The following PTPRK variants were observed in gnomAD, a reference collection of about 807,000 sequenced individuals.
The protein encoded by PTPRK is protein tyrosine phosphatase receptor type K.
Under a neutral mutation model 178.0 loss-of-function variants are expected in PTPRK, and 75 were observed. The ratio of observed to expected loss-of-function variants is 0.42; its 90% CI spans 0.35 to 0.51. PTPRK has a LOEUF of 0.51. PTPRK is among the 20% of genes least tolerant of loss of function. The probability of loss-of-function intolerance (pLI) is 0.02; values close to 1 mark genes in which losing one functional copy is unlikely to be tolerated. For synonymous variants in PTPRK, 637 were observed against 620.6 expected, an observed-to-expected ratio of 1.03 and a Z score of -0.39; for missense variants, 1,441 against 1,797.8, an observed-to-expected ratio of 0.80 and a Z score of 3.59.
chr6:128,052,040 T>C (rs1779100590), intron 13 of PTPRK, among the ~76,000 whole-genome samples: 1 of 152,164 alleles, frequency 6.6e-6, no homozygotes, highest in African/African-American at 2.4e-5. Context: ...TACTCCACCA[T>C]CATATCCTCC....
intron 2 of PTPRK, among the ~76,000 whole-genome samples, chr6:128,350,969 C>A (rs1173178164): frequency 1.3e-5 from 2 of 152,140 alleles, no homozygotes; most frequent in South Asian, 4.1e-4. Flanking sequence ...TTTCTAAGCA[C>A]CTCTACAAAC....
At chr6:128,186,351 C>T (rs1802764068) in intron 6 of PTPRK, among the ~76,000 whole-genome samples, 1 of 151,978 alleles carries the variant, frequency 6.6e-6, no homozygotes, top group Non-Finnish European at 1.5e-5. Context: ...AACTTTTAAA[C>T]TAATTATTTG....
chr6:128,470,195 G>A (rs1206544571), intron 1 of PTPRK, among the ~76,000 whole-genome samples: 1 of 151,622 alleles, frequency 6.6e-6, no homozygotes, highest in African/African-American at 2.4e-5. Context: ...GTAGTTTGGG[G>A]AACTCATGGT....
chr6:128,227,418 A>G (rs2128277210), intron 5 of PTPRK, among the ~76,000 whole-genome samples: 1 of 152,290 alleles, frequency 6.6e-6, no homozygotes, highest in Middle Eastern at 3.4e-3. Context: ...GACTAATAAG[A>G]GAGTATGGAA....
Position 128,355,917 on chromosome 6 carries a change from A to G in PTPRK, c.224-33607T>C, listed in dbSNP as rs566017032. ...ACAATTTAAGAATGCTGCTGAGTGC[A>G]GTTTTCCTTTAGTCATTTTCAACCC... On this transcript the variant is annotated intron_variant, in intron 2 of 29. Transcript: ENST00000368226. 3.9e-3 allele frequency among the ~76,000 whole-genome samples: 601 copies of G among 152,366 alleles called. 5 individuals are homozygous for G. Among genetic ancestry groups the G allele is most frequent in the African/African-American group, 0.013 (561 of 41,584 alleles).
chr6:128,089,375 T>G (rs372837537), intron 8 of PTPRK, among the ~76,000 whole-genome samples: 1 of 152,238 alleles, frequency 6.6e-6, no homozygotes, highest in Non-Finnish European at 1.5e-5. Context: ...GCAATTGATA[T>G]AGTGCCATGG....
chr6:128,470,557 G>A (rs886835464), intron 1 of PTPRK, among the ~76,000 whole-genome samples: 1 of 151,890 alleles, frequency 6.6e-6, no homozygotes, highest in African/African-American at 2.4e-5. Flanking sequence ...CTAAGTTCAA[G>A]TAAGAGAACT....
intron 6 of PTPRK, among the ~76,000 whole-genome samples, chr6:128,213,761 A>C (rs1394067855): frequency 2.6e-5 from 4 of 152,094 alleles, no homozygotes; most frequent in Non-Finnish European, 4.4e-5. Flanking sequence ...ACACCAAAAA[A>C]ATTCAGATTT....
chr6:128,273,868 C>G (rs915331188), intron 3 of PTPRK, among the ~76,000 whole-genome samples: 1 of 150,216 alleles, frequency 6.7e-6, no homozygotes, highest in Admixed American at 6.6e-5. Context: ...CTATCAAAAT[C>G]AAACAGTTAG....
chr6:128,073,967 G>A (rs1783303302), intron 11 of PTPRK, among the ~76,000 whole-genome samples: 1 of 151,966 alleles, frequency 6.6e-6, no homozygotes, highest in Non-Finnish European at 1.5e-5. Flanking sequence ...TTTATGTAAT[G>A]AAACAGACTA....
intron 11 of PTPRK, among the ~76,000 whole-genome samples, chr6:128,075,457 G>A (rs765500277): frequency 3.3e-5 from 5 of 151,876 alleles, no homozygotes; most frequent in African/African-American, 7.3e-5. Context: ...TCTGCAATTC[G>A]TAAATGCATC....
chr6:128,449,831 C>T (rs1184237278), intron 1 of PTPRK, among the ~76,000 whole-genome samples: 4 of 151,550 alleles, frequency 2.6e-5, no homozygotes, highest in South Asian at 4.2e-4. Flanking sequence ...TGCGGTGGCT[C>T]ATGCCTGTAA....
chr6:128,493,263 A>C (rs73589596), intron 1 of PTPRK, among the ~76,000 whole-genome samples: 2,975 of 152,262 alleles, frequency 0.02, 93 homozygotes, highest in African/African-American at 0.066. Flanking sequence ...AGCCCAGTCA[A>C]TGTACCCCCC....
intron 7 of PTPRK, among the ~76,000 whole-genome samples, chr6:128,120,247 C>T (rs1477202751): frequency 1.3e-5 from 2 of 151,836 alleles, no homozygotes; most frequent in Non-Finnish European, 2.9e-5. Context: ...TATTATATTA[C>T]TACTAATAAT....
Position 128,233,696 on chromosome 6 carries a change from G to A in PTPRK, c.693+6339C>T, listed in dbSNP as rs374196239. Reference sequence around the variant, plus strand: ...GACTCTCCTGTTTTGGCAGGCCCACGGAGGAGGCACAGTGCCAGCACCTGC... The same window carrying A: ...GACTCTCCTGTTTTGGCAGGCCCACAGAGGAGGCACAGTGCCAGCACCTGC... On this transcript the variant is annotated intron_variant, in intron 5 of 29. Transcript: ENST00000368226. 5.9e-5 allele frequency among the ~76,000 whole-genome samples: 9 copies of A among 152,296 alleles called. No individual in the cohort carries two copies. In the South Asian group the frequency reaches 1.2e-3, roughly 21 times the overall value.
At chr6:127,978,648 T>C (rs1357060541) in intron 25 of PTPRK, among the ~76,000 whole-genome samples, 1 of 152,196 alleles carries the variant, frequency 6.6e-6, no homozygotes, top group Non-Finnish European at 1.5e-5. Flanking sequence ...GTCTGCTCCA[T>C]GCAAAGGTAA....
Position 128,275,451 on chromosome 6 carries a change from A to C in PTPRK, c.496-32849T>G, listed in dbSNP as rs1220457013. Among the ~76,000 whole-genome samples the C allele has an allele frequency of 1.3e-5, 2 of 152,032 alleles. 1 individual carries two copies. Among genetic ancestry groups the C allele is most frequent in the Non-Finnish European group, 2.9e-5 (2 of 67,912 alleles). On this transcript the variant is annotated intron_variant, in intron 3 of 29. Coordinates refer to ENST00000368226, the MANE Select transcript of PTPRK (RefSeq NM_002844.4). ...ATGTTACATGGGAAGAGTAAAAGAA[A>C]GAGTTCAAGGGCCTGTGGCAAGATT...
chr6:128,052,135 TGGAAAAACACACAAAGTTACAGA>T (rs1779117434), intron 13 of PTPRK, among the ~76,000 whole-genome samples: 1 of 152,218 alleles, frequency 6.6e-6, no homozygotes, highest in Admixed American at 6.5e-5. Context: ...ACTTATATGT[TGGAAAAACACACAAAGTTACAGA>T]AAATTTGCAA....
intron 2 of PTPRK, among the ~76,000 whole-genome samples, chr6:128,349,966 A>C (rs1832911819): frequency 6.6e-6 from 1 of 152,078 alleles, no homozygotes; most frequent in Non-Finnish European, 1.5e-5. Context: ...ACAGGTATGA[A>C]CCATTACTGT....
Sources: gnomAD v4.1 joint callset for allele counts (sites outside exome capture counted in the v4.1 genomes callset) on GRCh38, gnomAD v4.1.1 for gene constraint, MANE v1.5 for transcripts, NCBI Gene and HGNC (gene_info 2026-07-23, HGNC 2026-07-21) for gene names.